Variants in ABCA13 observed in about 807,000 individuals in gnomAD.
The protein encoded by ABCA13 is ATP binding cassette subfamily A member 13.
ABCA13 carries 476 observed loss-of-function variants against 478.7 expected under a neutral mutation model. The observed-to-expected ratio is 0.99, with a 90% CI of 0.92 to 1.07. The LOEUF (loss-of-function observed/expected upper bound fraction) is 1.07. ABCA13 is among the 50% of genes least tolerant of loss of function. ABCA13 has a pLI of 0.00. For synonymous variants in ABCA13, 2,252 were observed against 2,158.9 expected (o/e 1.04, Z -1.20); for missense variants, 6,060 against 5,910.6 (o/e 1.03, Z -0.83).
chr7:48,483,851 G>C (rs998014969), intron 47 of ABCA13, among the ~76,000 whole-genome samples: 1 of 152,226 alleles, frequency 6.6e-6, no homozygotes, highest in African/African-American at 2.4e-5. Context: ...TGGAGAAATA[G>C]TATTGTGTTT....
chr7:48,185,916 A>G (rs1281764784), intron 1 of ABCA13, among the ~76,000 whole-genome samples: 1 of 151,876 alleles, frequency 6.6e-6, no homozygotes, highest in Non-Finnish European at 1.5e-5. Context: ...TTTTGGTATC[A>G]ATCTTTTTGT....
intron 55 of ABCA13, among the ~76,000 whole-genome samples, chr7:48,541,623 C>G (rs903553049): frequency 6.6e-6 from 1 of 151,676 alleles, no homozygotes; most frequent in Admixed American, 6.6e-5. Context: ...AAATCACATG[C>G]AGTTCCTATC....
At chr7:48,232,236 A>G (rs1789257265) in intron 7 of ABCA13, among the ~76,000 whole-genome samples, 2 of 140,212 alleles carry the variant, frequency 1.4e-5, no homozygotes, top group South Asian at 4.5e-4. Flanking sequence ...TCCACTGGGA[A>G]GTATTTCTTA....
chr7:48,497,615 A>G (rs1830386967), intron 48 of ABCA13, among the ~76,000 whole-genome samples: 1 of 152,138 alleles, frequency 6.6e-6, no homozygotes, highest in African/African-American at 2.4e-5. Flanking sequence ...GGGCCTGATG[A>G]CACCACCCTG....
intron 41 of ABCA13, among the ~76,000 whole-genome samples, chr7:48,423,734 A>G (rs1821071849): frequency 1.3e-5 from 2 of 152,188 alleles, no homozygotes; most frequent in Admixed American, 6.5e-5. Context: ...TTTAAAGCAT[A>G]TTTTTGTTAC....
intron 42 of ABCA13, among the ~76,000 whole-genome samples, chr7:48,436,818 A>C (rs1822898715): frequency 7.2e-6 from 1 of 138,354 alleles, no homozygotes; most frequent in Non-Finnish European, 1.6e-5. Context: ...CATATTTGTG[A>C]ATTTTTCTGT....
At chr7:48,257,022 G>A (rs562369879) in intron 15 of ABCA13, among the ~76,000 whole-genome samples, 4 of 152,072 alleles carry the variant, frequency 2.6e-5, no homozygotes, top group African/African-American at 9.6e-5. Flanking sequence ...GAGATCTTTC[G>A]CCTTCCTGGT....
chr7:48,186,781 A>C (rs1177157614), intron 1 of ABCA13, among the ~76,000 whole-genome samples: 1 of 151,992 alleles, frequency 6.6e-6, no homozygotes, highest in East Asian at 1.9e-4. Context: ...AAAGACCAGA[A>C]ATGCAAGAAA....
intron 41 of ABCA13, among the ~76,000 whole-genome samples, chr7:48,424,571 T>G (rs960026261): frequency 2.6e-5 from 4 of 152,328 alleles, no homozygotes; most frequent in Admixed American, 2.6e-4. Context: ...GAACAACAAC[T>G]TACTGATGAC....
Position 48,273,776 on chromosome 7 carries a change from G to A in ABCA13, c.4110G>A (p.Arg1370=). 1 of 1,611,044 alleles carries A rather than the reference G, an allele frequency of 6.2e-7. No individual in the cohort carries two copies. The highest frequency in any genetic ancestry group is 8.5e-7 in the Non-Finnish European group (1 of 1,178,486). Residue 1370 remains arginine, a synonymous_variant, in exon 17 of 62, where the codon AGG becomes AGA. Transcript: ENST00000435803. ...DGFLYVNTSQ[R]MLRILDTLNS... ...TTTTATATGTAAATACCTCACAGAG[G>A]ATGTTACGTATTCTAGACACGTTAA...
Position 48,481,078 on chromosome 7 carries a change from C to T in ABCA13, c.13018C>T (p.His4340Tyr), listed in dbSNP as rs1372950064. ...TGCTAGTGCTCCCTACCTGACCAAC[C>T]ACCTGGGCCACACACTGTTGAATCT... ...RSASAPYLTN[H>Y]LGHTLLNLSG... The change falls in exon 46 of 62, where the codon CAC (histidine) becomes TAC (tyrosine). Residue 4340 changes from histidine (H) to tyrosine (Y), a missense_variant. Physicochemically the swap from His to Tyr is moderately conservative, Grantham distance 83. Coordinates refer to ENST00000435803, the MANE Select transcript of ABCA13 (RefSeq NM_152701.5). 11 of 1,603,020 alleles carry T rather than the reference C, an allele frequency of 6.9e-6. No individual in the cohort carries two copies. The highest frequency in any genetic ancestry group is 9.4e-6 in the Non-Finnish European group (11 of 1,174,694).
intron 58 of ABCA13, among the ~76,000 whole-genome samples, chr7:48,609,307 A>C (rs1791785139): frequency 6.6e-6 from 1 of 151,982 alleles, no homozygotes; most frequent in Non-Finnish European, 1.5e-5. Context: ...TTTCACATTA[A>C]ATATATATAT....
intron 55 of ABCA13, among the ~76,000 whole-genome samples, chr7:48,567,858 C>A (rs1222039489): frequency 6.6e-6 from 1 of 151,968 alleles, no homozygotes; most frequent in Non-Finnish European, 1.5e-5. Flanking sequence ...CCTATAAAAT[C>A]ATATTTGTAA....
At chr7:48,345,989 G>A (rs141732424) in intron 29 of ABCA13, among the ~76,000 whole-genome samples, 102 of 152,058 alleles carry the variant, frequency 6.7e-4, no homozygotes, top group Middle Eastern at 3.4e-3. Flanking sequence ...CCTTACCATC[G>A]TGTTACAATT....
At chr7:48,533,643 A>G (rs1040531605) in intron 55 of ABCA13, among the ~76,000 whole-genome samples, 3 of 152,042 alleles carry the variant, frequency 2.0e-5, no homozygotes, top group Non-Finnish European at 4.4e-5. Context: ...TTTTAGGTGT[A>G]GTAGTAATTG....
intron 38 of ABCA13, among the ~76,000 whole-genome samples, chr7:48,397,258 A>G (rs1816962192): frequency 6.6e-6 from 1 of 152,154 alleles, no homozygotes; most frequent in African/African-American, 2.4e-5. Flanking sequence ...AAAATGGGGA[A>G]GGGGAACAGA....
chr7:48,517,404 C>G (rs1179414923), intron 52 of ABCA13, among the ~76,000 whole-genome samples: 1 of 152,176 alleles, frequency 6.6e-6, no homozygotes, highest in Non-Finnish European at 1.5e-5. Flanking sequence ...GTTTTCCAAG[C>G]ATGGCAGCCA....
intron 58 of ABCA13, among the ~76,000 whole-genome samples, chr7:48,596,422 A>G (rs1345974960): frequency 2.0e-5 from 3 of 152,202 alleles, no homozygotes; most frequent in Non-Finnish European, 4.4e-5. Flanking sequence ...ATGATTCTTT[A>G]GTAAATTTAT....
chr7:48,432,872 G>A (rs928283576), intron 42 of ABCA13, among the ~76,000 whole-genome samples: 3 of 151,974 alleles, frequency 2.0e-5, no homozygotes, highest in Non-Finnish European at 2.9e-5. Flanking sequence ...AGTTATATAG[G>A]AGAAATAAGT....
Sources: gnomAD v4.1 joint callset for allele counts (sites outside exome capture counted in the v4.1 genomes callset) on GRCh38, gnomAD v4.1.1 for gene constraint, MANE v1.5 for transcripts, NCBI Gene and HGNC (gene_info 2026-07-23, HGNC 2026-07-21) for gene names.